The following MUC6 variants were observed in gnomAD, a reference collection of about 807,000 sequenced individuals.
MUC6 encodes mucin 6, oligomeric mucus/gel-forming (gene/pseudogene), also known as mucin-6.
A neutral mutation model predicts 201.5 loss-of-function variants in MUC6; 188 were observed. The ratio of observed to expected loss-of-function variants is 0.93; its 90% CI spans 0.83 to 1.05. MUC6 has a LOEUF of 1.05. MUC6 is among the 50% of genes least tolerant of loss of function. The pLI, the probability that MUC6 is intolerant of heterozygous loss-of-function variation, is 0.00. For synonymous variants in MUC6, 1,228 were observed against 1,389.4 expected, an observed-to-expected ratio of 0.88 and a Z score of 2.58; for missense variants, 2,706 against 3,256.9, an observed-to-expected ratio of 0.83 and a Z score of 4.12.
At chr11:1,023,308 GTGAA>G (rs1243966527) in intron 26 of MUC6, among the ~76,000 whole-genome samples, 197 bp downstream of exon 26, 9 of 151,900 alleles carry the variant, frequency 5.9e-5, no homozygotes, top group Admixed American at 2.0e-4. Flanking sequence ...ATGAATATGC[GTGAA>G]TGAATGCATG....
rs965716375 is a variant in MUC6, at chr11:1,030,182, G to T, written c.1015+31C>A. On this transcript the variant is annotated intron_variant, in intron 8 of 32. Transcript: ENST00000421673. ...TCTCTGGGTTCTCTCTAGGGGTCCC[G>T]GGGAGAGAGAGTGCCTGCGACTGCC... 2.6e-6 allele frequency: 4 copies of T among 1,545,220 alleles called. No homozygotes were observed. In the African/African-American group the frequency reaches 5.5e-5, roughly 21 times the overall value.
At position 1,028,132 on chromosome 11, in the gene MUC6, A is replaced by G. The variant is rs188947253; in HGVS notation, c.1754-73T>C. ...CTACGGCTCCTCCCAGGGACCCCCC[A>G]CCCTGGCAGCTGGGCCTGTGGTCCA... On this transcript the variant is annotated intron_variant, in intron 14 of 32. Transcript: ENST00000421673. 3.9e-4 allele frequency: 592 copies of G among 1,532,722 alleles called. 3 individuals are homozygous for G. The African/African-American group carries it at 7.4e-3, about 19-fold the overall frequency. The allele number at this position is 1,532,722 out of a possible 1,614,324, so 94.9% of individuals were successfully genotyped here.
At position 1,021,289 on chromosome 11, in the gene MUC6, A is replaced by G; in HGVS notation, c.3527-12T>C. 1.9e-6 allele frequency: 3 copies of G among 1,548,450 alleles called. No individual in the cohort carries two copies. The highest frequency in any genetic ancestry group is 1.7e-6 in the Non-Finnish European group (2 of 1,148,180). On this transcript the variant is annotated splice_polypyrimidine_tract_variant and intron_variant, in intron 26 of 32. Transcript: ENST00000421673. The stretch of plus-strand genomic sequence containing the variant: ...GCAGTTGTAGCAGCCTAGGGTGGAG[A>G]ACGGCCAGGGTCTGTGTGACTGGTG...
At position 1,030,273 on chromosome 11, in the gene MUC6, A is replaced by G; in HGVS notation, c.955T>C (p.Cys319Arg). 1 of 1,549,982 alleles carries G rather than the reference A, an allele frequency of 6.5e-7. No individual in the cohort carries two copies. Among genetic ancestry groups the G allele is most frequent in the Admixed American group, 2.0e-5 (1 of 51,034 alleles). ...GAGCAGCTGTGCTGCGGGTTGGAGC[A>G]GGTCTTCACGCAGGCCGAGCCGCAC... ...QECGSACVKT[C>R]SNPQHSCSSS... Residue 319 changes from cysteine (C) to arginine (R), a missense_variant, in exon 8 of 33, where the codon TGC becomes CGC. Transcript: ENST00000421673.
At chr11:1,025,112 A>C (rs1328485099) in intron 23 of MUC6, 29 bp from the exon 24 acceptor site, 1 of 1,612,198 alleles carries the variant, frequency 6.2e-7, no homozygotes, top group African/African-American at 1.3e-5. Context: ...GGCCGGGCCC[A>C]GGGGCCGTGC....
In MUC6 at chr11:1,013,403, T is replaced by C. The variant is rs1023681917; in HGVS notation, c.*53A>G. Reference sequence around the variant, plus strand: ...GCGGGAAGGGGGCTGGTGGGTGTTTTCCTGTCTGTCATCTGCAGTCCTTCA... The same window carrying C: ...GCGGGAAGGGGGCTGGTGGGTGTTTCCCTGTCTGTCATCTGCAGTCCTTCA... On this transcript the variant is annotated 3_prime_UTR_variant, in exon 33 of 33. Transcript: ENST00000421673. The C allele has an allele frequency of 6.1e-5, 91 of 1,497,638 alleles. 1 individual carries two copies. Among genetic ancestry groups the C allele is most frequent in the Middle Eastern group, 2.3e-4 (1 of 4,284 alleles). The allele number at this position is 1,497,638 out of a possible 1,614,324, so 92.8% of individuals were successfully genotyped here.
rs1009467957 is a variant in MUC6, at chr11:1,019,285, G to C, written c.4020C>G (p.Ser1340Arg). The C allele has an allele frequency of 6.2e-7, 1 of 1,614,036 alleles. No individual in the cohort carries two copies. Among genetic ancestry groups the C allele is most frequent in the African/African-American group, 1.3e-5 (1 of 75,070 alleles). Reference sequence around the variant, plus strand: ...GGCGCCATGACTTACGCAGCGTGGGGCTTGTCCCTGATGTGGCTGGGGTTG... The same window carrying C: ...GGCGCCATGACTTACGCAGCGTGGGCCTTGTCCCTGATGTGGCTGGGGTTG... The part of the protein sequence containing the change: ...TLPTPATSGT[S>R]PTLPKSTNQE... Residue 1340 changes from serine (S) to arginine (R), a missense_variant, in exon 30 of 33, where the codon AGC (serine) becomes AGG (arginine). Transcript: ENST00000421673.
At chr11:1,014,786 G>A (rs1358616732) in intron 31 of MUC6, among the ~76,000 whole-genome samples, 1 of 152,164 alleles carries the variant, frequency 6.6e-6, no homozygotes, top group Non-Finnish European at 1.5e-5. Flanking sequence ...CGCTGCAGAG[G>A]GCTTTCTCCG....
At chr11:1,024,794 C>A (rs779971766) in intron 24 of MUC6, 50 bp downstream of exon 24, 1 of 1,583,810 alleles carries the variant, frequency 6.3e-7, no homozygotes, top group Non-Finnish European at 8.6e-7. Flanking sequence ...CCCGCCCCCA[C>A]CGGACATTTG....
In MUC6 at chr11:1,016,550, G is replaced by A. The variant is rs531380295; in HGVS notation, c.6251C>T (p.Ser2084Phe). 24 of 1,613,408 alleles carry A rather than the reference G, an allele frequency of 1.5e-5. No individual in the cohort carries two copies. The highest frequency in any genetic ancestry group is 2.7e-5 in the African/African-American group (2 of 74,914). Residue 2084 changes from serine (S) to phenylalanine (F), a missense_variant, in exon 31 of 33, where the codon TCT becomes TTT. Transcript: ENST00000421673. ...THSSFSTATA[S>F]SSFISSSSWL... ...AGACGAGGAGGATATGAAGGAAGAAGAGGCTGTAGCTGTGCTGAATGAGCT... is the reference window on the plus strand; with the variant it reads ...AGACGAGGAGGATATGAAGGAAGAAAAGGCTGTAGCTGTGCTGAATGAGCT...
chr11:1,029,780 C>T (rs549819836), intron 8 of MUC6, among the ~76,000 whole-genome samples, 165 bp from the exon 9 acceptor site: 15 of 152,244 alleles, frequency 9.9e-5, no homozygotes, highest in Admixed American at 3.9e-4. Context: ...GAGACGCCCC[C>T]TCTAGCCTGG....
chr11:1,026,653 C>G (rs548488785), intron 19 of MUC6, among the ~76,000 whole-genome samples, 175 bp from the exon 20 acceptor site: 2 of 152,380 alleles, frequency 1.3e-5, no homozygotes, highest in South Asian at 4.1e-4. Flanking sequence ...CTTCCCCCAC[C>G]TCGTGGAAGG....
In MUC6 at chr11:1,029,232, A is replaced by T; in HGVS notation, c.1271T>A (p.Leu424His). The T allele has an allele frequency of 6.2e-7, 1 of 1,607,312 alleles. No homozygotes were observed. The highest frequency in any genetic ancestry group is 8.5e-7 in the Non-Finnish European group (1 of 1,177,636). ...GGGCCACAGGGCTCGTCCTACCTGG[A>T]GGAGGATGTAGGTGCAGGTGCCGTG... ...RFHGTCTYIL[L>H]QSPQLPEDGA... The change falls in exon 10 of 33, where the codon CTC (leucine) becomes CAC (histidine). Residue 424 changes from leucine (L) to histidine (H), a missense_variant. Physicochemically the swap from Leu to His is moderately conservative, Grantham distance 99 (BLOSUM62 -3). Transcript: ENST00000421673.
intron 16 of MUC6, 72 bp downstream of exon 16, chr11:1,027,613 C>T (rs1564842118): frequency 1.3e-6 from 2 of 1,583,178 alleles, no homozygotes; most frequent in Non-Finnish European, 1.7e-6. Flanking sequence ...AGCCTCAGAG[C>T]TTGGGGTCCC....
rs781451644 is a variant in MUC6 at position 1,013,578 on chromosome 11, G to A, written c.7198C>T (p.His2400Tyr). The A allele has an allele frequency of 5.7e-6, 9 of 1,571,440 alleles. No homozygotes were observed. In the South Asian group the frequency reaches 1.1e-4, roughly 18 times the overall value. ...AGCTCCAGCTGCTGCTCATAGGAGT[G>A]GAGGGGGCGGCAGCAGCTGCAGCGG... ...DARCSCCRPL[H>Y]SYEQQLELPC... The change falls in exon 33 of 33, where the codon CAC becomes TAC. Residue 2400 changes from histidine (H) to tyrosine (Y), a missense_variant. Around this residue, in one of 10 missense-constraint regions of MUC6, gnomAD observed 586 missense variants for 488.0 expected, o/e 1.20. Coordinates refer to ENST00000421673, the MANE Select transcript of MUC6 (RefSeq NM_005961.3).
rs1191819314 is a variant in MUC6 at position 1,026,378 on chromosome 11, G to A, written c.2495C>T (p.Ser832Leu). The A allele has an allele frequency of 2.5e-6, 4 of 1,606,660 alleles. No homozygotes were observed. Among genetic ancestry groups the A allele is most frequent in the Middle Eastern group, 1.7e-4 (1 of 6,038 alleles). ...AGCTCCTCCAGGGTAGGAGACCCCC[G>A]AGAACTCACATGGGCACTCCTCGGG... ...VPPEECPCEF[S>L]GVSYPGGAEL... The change falls in exon 20 of 33, where the codon TCG becomes TTG. Residue 832 changes from serine to leucine, a missense_variant. Transcript: ENST00000421673.
rs768921856 is a variant in MUC6 at position 1,024,825 on chromosome 11, C to T, written c.3225+19G>A. 1.5e-5 allele frequency: 24 copies of T among 1,603,112 alleles called. No homozygotes were observed. The East Asian group carries it at 4.5e-4, about 30-fold the overall frequency. ...ATTTGTGGAGGGGCAGGCGCACAGCCCTCGTGCCCGGTGCCCACCTTGCTG... is the reference window on the plus strand; with the variant it reads ...ATTTGTGGAGGGGCAGGCGCACAGCTCTCGTGCCCGGTGCCCACCTTGCTG... On this transcript the variant is annotated intron_variant, in intron 24 of 32. Coordinates refer to ENST00000421673, the MANE Select transcript of MUC6 (RefSeq NM_005961.3).
At position 1,036,628 on chromosome 11, in the gene MUC6, A is replaced by G. The variant is rs1327442336; in HGVS notation, c.28T>C (p.Cys10Arg). The G allele has an allele frequency of 1.3e-6, 2 of 1,548,246 alleles. No homozygotes were observed. The highest frequency in any genetic ancestry group is 1.7e-6 in the Non-Finnish European group (2 of 1,146,466). The change falls in exon 1 of 33, where the codon TGC (cysteine) becomes CGC (arginine). Residue 10 changes from cysteine to arginine, a missense_variant. By Grantham distance (180) the Cys-to-Arg change is radical. Transcript: ENST00000421673. ...CCAGCGCTGAGCAGGGCTCCGCAGC[A>G]GGACAGCAGCAGCCACCGCTGGACC... The part of the protein sequence containing the change: MVQRWLLLS[C>R]CGALLSAGLA...
At chr11:1,032,820 G>A (rs1225018870) in intron 2 of MUC6, among the ~76,000 whole-genome samples, 193 bp downstream of exon 2, 7 of 151,752 alleles carry the variant, frequency 4.6e-5, no homozygotes, top group Non-Finnish European at 1.0e-4. Flanking sequence ...GTGTATGCGT[G>A]TGTCAGGTGT....
Sources: gnomAD v4.1 joint callset for allele counts (sites outside exome capture counted in the v4.1 genomes callset) on GRCh38, gnomAD v4.1.1 for gene constraint, gnomAD v4.1.1 regional missense constraint, MANE v1.5 for transcripts, NCBI Gene and HGNC (gene_info 2026-07-23, HGNC 2026-07-21) for gene names.